The following CSMD1 variants were observed in gnomAD, a reference collection of about 807,000 sequenced individuals.
The protein encoded by CSMD1 is CUB and sushi domain-containing protein 1.
In CSMD1, 213 loss-of-function variants were observed where a neutral mutation model predicts 417.5. The ratio of observed to expected loss-of-function variants is 0.51; its 90% CI spans 0.46 to 0.57. The LOEUF is 0.57. Ranked by LOEUF, CSMD1 falls within the 20% of genes least tolerant of loss-of-function variation. The probability of loss-of-function intolerance (pLI) is 0.00; values close to 1 mark genes in which losing one functional copy is unlikely to be tolerated. For synonymous variants in CSMD1, 2,862 were observed against 1,736.8 expected (o/e 1.65, Z -16.11); for missense variants, 6,923 against 4,529.7 (o/e 1.53, Z -15.17).
chr8:4,964,891 G>C (rs1809756851), intron 1 of CSMD1, among the ~76,000 whole-genome samples: 1 of 152,174 alleles, frequency 6.6e-6, no homozygotes, highest in Non-Finnish European at 1.5e-5. Flanking sequence ...TTCTGGAGCG[G>C]AGTTTGGGGA....
intron 5 of CSMD1, among the ~76,000 whole-genome samples, chr8:3,902,721 C>T (rs1435630310): frequency 6.6e-6 from 1 of 152,064 alleles, no homozygotes; most frequent in Non-Finnish European, 1.5e-5. Context: ...AGTCCATGGC[C>T]CCGGGATTAG....
Position 3,731,612 on chromosome 8 carries a change from G to C in CSMD1, c.931+22318C>G, listed in dbSNP as rs986346107. On this transcript the variant is annotated intron_variant, in intron 6 of 69. Transcript: ENST00000635120. ...AAGTGATATGAACTTTACCAACCAA[G>C]GCTAAAATGGAAAGGATGCACTGAA... 2.6e-5 allele frequency among the ~76,000 whole-genome samples: 4 copies of C among 152,132 alleles called. No individual in the cohort carries two copies. The South Asian group carries it at 8.3e-4, about 32-fold the overall frequency.
intron 3 of CSMD1, among the ~76,000 whole-genome samples, chr8:4,230,837 G>T (rs1801677827): frequency 6.6e-6 from 1 of 151,472 alleles, no homozygotes; most frequent in African/African-American, 2.4e-5. Flanking sequence ...TGTATTTTTT[G>T]TGGTTAGGAA....
At chr8:4,393,282 G>C (rs981188217) in intron 3 of CSMD1, among the ~76,000 whole-genome samples, 4 of 152,110 alleles carry the variant, frequency 2.6e-5, no homozygotes, top group African/African-American at 9.7e-5. Flanking sequence ...GGCCTACAAA[G>C]CAGTTTTTAA....
chr8:3,126,083 C>A (rs1177168812), intron 41 of CSMD1, among the ~76,000 whole-genome samples: 1 of 152,160 alleles, frequency 6.6e-6, no homozygotes, highest in Non-Finnish European at 1.5e-5. Context: ...GTGAGGCACC[C>A]TGGTGTGACC....
intron 3 of CSMD1, among the ~76,000 whole-genome samples, chr8:4,205,001 C>G (rs1339541537): frequency 6.6e-6 from 1 of 152,058 alleles, no homozygotes; most frequent in Non-Finnish European, 1.5e-5. Context: ...TAATTTACCT[C>G]CAATTTTCTT....
intron 5 of CSMD1, among the ~76,000 whole-genome samples, chr8:3,867,445 G>C (rs1037453767): frequency 1.3e-5 from 2 of 151,922 alleles, no homozygotes; most frequent in East Asian, 3.9e-4. Flanking sequence ...AGTCTTCCTG[G>C]CTATGGTTTA....
chr8:3,181,570 C>G (rs1821329130), intron 36 of CSMD1, among the ~76,000 whole-genome samples: 1 of 152,004 alleles, frequency 6.6e-6, no homozygotes, highest in Admixed American at 6.5e-5. Flanking sequence ...AGTTCAACAG[C>G]CAAGAGTAAT....
At chr8:4,868,959 C>T (rs1008559036) in intron 1 of CSMD1, among the ~76,000 whole-genome samples, 3 of 151,796 alleles carry the variant, frequency 2.0e-5, no homozygotes, top group African/African-American at 7.3e-5. Flanking sequence ...TACCTATATA[C>T]ACACAGAGAC....
intron 5 of CSMD1, among the ~76,000 whole-genome samples, chr8:3,929,136 T>C (rs1445905907): frequency 6.7e-6 from 1 of 150,248 alleles, no homozygotes; most frequent in African/African-American, 2.5e-5. Flanking sequence ...AGCAAGATGC[T>C]TTCTACTGCC....
At chr8:4,930,921 G>C (rs1448838598) in intron 1 of CSMD1, among the ~76,000 whole-genome samples, 1 of 152,144 alleles carries the variant, frequency 6.6e-6, no homozygotes, top group Non-Finnish European at 1.5e-5. Context: ...TAACACAGTG[G>C]TTGACATTGT....
intron 12 of CSMD1, among the ~76,000 whole-genome samples, chr8:3,455,376 A>G (rs1816044744): frequency 6.6e-6 from 1 of 152,196 alleles, no homozygotes; most frequent in South Asian, 2.1e-4. Flanking sequence ...CCTTTGGAGG[A>G]GGAGAGGCAC....
chr8:3,230,325 C>A, intron 26 of CSMD1, 94 bp from the exon 27 acceptor site: 1 of 965,624 alleles, frequency 1.0e-6, no homozygotes, highest in East Asian at 2.7e-5. Flanking sequence ...AAGCACTCTT[C>A]ATTGGCCTAA....
At chr8:3,433,920 C>T (rs906498214) in intron 12 of CSMD1, among the ~76,000 whole-genome samples, 1 of 152,156 alleles carries the variant, frequency 6.6e-6, no homozygotes, top group Non-Finnish European at 1.5e-5. Flanking sequence ...CTAAGGTGCT[C>T]AACCCTGCAA....
chr8:4,195,079 A>G (rs572038999), intron 3 of CSMD1, among the ~76,000 whole-genome samples: 56 of 152,340 alleles, frequency 3.7e-4, no homozygotes, highest in Admixed American at 3.3e-3. Flanking sequence ...TACGCCTAGA[A>G]TTCTGCCCAT....
Position 3,771,618 on chromosome 8 carries a change from G to T in CSMD1, c.819-17576C>A, listed in dbSNP as rs192408490. On this transcript the variant is annotated intron_variant, in intron 5 of 69. Transcript: ENST00000635120. ...GGGAGTCAGGCAGCATCAAGTTGGAGAAAGGTGACAGAAGCCAGTGCTGAA... is the reference window on the plus strand; with the variant it reads ...GGGAGTCAGGCAGCATCAAGTTGGATAAAGGTGACAGAAGCCAGTGCTGAA... Among the ~76,000 whole-genome samples the T allele has an allele frequency of 1.8e-3, 273 of 152,236 alleles. 1 individual carries two copies. The highest frequency in any genetic ancestry group is 5.2e-3 in the South Asian group (25 of 4,810).
intron 5 of CSMD1, among the ~76,000 whole-genome samples, chr8:3,801,435 A>C (rs1367976775): frequency 6.6e-6 from 1 of 152,186 alleles, no homozygotes; most frequent in African/African-American, 2.4e-5. Flanking sequence ...ATACCATTTC[A>C]TACCCACTAG....
chr8:3,558,949 C>T (rs1212405263), intron 10 of CSMD1, among the ~76,000 whole-genome samples: 1 of 152,038 alleles, frequency 6.6e-6, no homozygotes, highest in Non-Finnish European at 1.5e-5. Context: ...CAGAGTAGCC[C>T]AGTATGACGG....
chr8:4,128,453 T>A (rs368546891), intron 3 of CSMD1, among the ~76,000 whole-genome samples: 5 of 152,176 alleles, frequency 3.3e-5, no homozygotes, highest in Non-Finnish European at 7.3e-5. Flanking sequence ...AATGCACATA[T>A]GCCATTCCAC....
Sources: gnomAD v4.1 joint callset for allele counts (sites outside exome capture counted in the v4.1 genomes callset) on GRCh38, gnomAD v4.1.1 for gene constraint, MANE v1.5 for transcripts, NCBI Gene and HGNC (gene_info 2026-07-23, HGNC 2026-07-21) for gene names.